The following RBBP5 variants were observed in gnomAD, a reference collection of about 807,000 sequenced individuals.
RBBP5 encodes the protein retinoblastoma-binding protein 5.
Under a neutral mutation model 72.2 loss-of-function variants are expected in RBBP5, and 5 were observed. The ratio of observed to expected loss-of-function variants is 0.07; its 90% confidence interval spans 0.04 to 0.15. The LOEUF (loss-of-function observed/expected upper bound fraction) is 0.15, where lower values mean the gene tolerates loss of function less well. RBBP5 is among the 10% of genes least tolerant of loss of function. The pLI is 1.00. For missense variants in RBBP5, 322 were observed against 652.2 expected (o/e 0.49, Z 5.51); for synonymous variants, 209 against 237.2 (o/e 0.88, Z 1.09).
At chr1:205,119,379 G>C (rs1656651442) in intron 1 of RBBP5, among the ~76,000 whole-genome samples, 1 of 152,188 alleles carries the variant, frequency 6.6e-6, no homozygotes, top group African/African-American at 2.4e-5. Context: ...CTGGGCAACA[G>C]AGCAAGACTC....
At chr1:205,104,104 T>C in intron 4 of RBBP5, 85 bp from the exon 5 acceptor site, 2 of 1,402,078 alleles carry the variant, frequency 1.4e-6, no homozygotes, top group East Asian at 4.7e-5. Flanking sequence ...TCCCTGTCCA[T>C]ACCCTCATCA....
At chr1:205,104,101 C>G in intron 4 of RBBP5, 82 bp from the exon 5 acceptor site, 1 of 1,415,236 alleles carries the variant, frequency 7.1e-7, no homozygotes. Context: ...TGATCCCTGT[C>G]CATACCCTCA....
At chr1:205,101,369 C>G (rs1655814445) in intron 6 of RBBP5, among the ~76,000 whole-genome samples, 1 of 152,148 alleles carries the variant, frequency 6.6e-6, no homozygotes, top group African/African-American at 2.4e-5. Flanking sequence ...GCACTGACCA[C>G]TTACTTATTT....
At chr1:205,116,591 C>T (rs181311004) in intron 1 of RBBP5, among the ~76,000 whole-genome samples, 3 of 152,048 alleles carry the variant, frequency 2.0e-5, no homozygotes, top group Non-Finnish European at 4.4e-5. Context: ...GGCCAAGTTG[C>T]GGCAGATCAC....
chr1:205,101,733 A>G (rs1655830213), intron 5 of RBBP5, 24 bp from the exon 6 acceptor site: 1 of 1,516,054 alleles, frequency 6.6e-7, no homozygotes. Flanking sequence ...GAGGGGGGAA[A>G]AAAGTAAGTG....
At chr1:205,090,906 A>G (rs1011647178) in intron 13 of RBBP5, among the ~76,000 whole-genome samples, 1 of 152,108 alleles carries the variant, frequency 6.6e-6, no homozygotes, top group Non-Finnish European at 1.5e-5. Context: ...ACAAAGAGAG[A>G]AAAAAAGAAA....
At chr1:205,107,349 T>C (rs1015614674) in intron 3 of RBBP5, among the ~76,000 whole-genome samples, 1 of 150,050 alleles carries the variant, frequency 6.7e-6, no homozygotes, top group African/African-American at 2.4e-5. Context: ...CTAAAGACAA[T>C]GAAAAAATCT....
At chr1:205,109,351 G>A (rs1184076941) in intron 3 of RBBP5, among the ~76,000 whole-genome samples, 1 of 151,998 alleles carries the variant, frequency 6.6e-6, no homozygotes, top group Non-Finnish European at 1.5e-5. Flanking sequence ...CCAAGAAAAA[G>A]CAATACACAT....
At position 205,093,517 on chromosome 1, in the gene RBBP5, TATATATATATATATATAC is replaced by T. The variant is rs1558570432; in HGVS notation, c.1588+1338_1588+1355del. ...ATATATATATATATATATATATATA[TATATATATATATATATAC>T]ACACACACACACACACACACACACA... On this transcript the variant is annotated intron_variant, in intron 13 of 13. Coordinates refer to ENST00000264515, the MANE Select transcript of RBBP5 (RefSeq NM_005057.4). 9.1e-4 allele frequency among the ~76,000 whole-genome samples: 15 copies of T among 16,564 alleles called. 1 individual carries two copies. Among genetic ancestry groups the T allele is most frequent in the African/African-American group, 6.0e-3 (14 of 2,340 alleles). 10.9% of individuals were successfully genotyped at this position (16,564 alleles called of 152,430 possible).
At chr1:205,103,057 C>T (rs775922886) in intron 5 of RBBP5, among the ~76,000 whole-genome samples, 19 of 150,100 alleles carry the variant, frequency 1.3e-4, no homozygotes, top group Non-Finnish European at 2.4e-4. Context: ...CCTATAATCA[C>T]GGCACTTTAG....
At chr1:205,113,255 A>G (rs1457065940) in intron 3 of RBBP5, among the ~76,000 whole-genome samples, 2 of 152,082 alleles carry the variant, frequency 1.3e-5, no homozygotes, top group East Asian at 3.9e-4. Flanking sequence ...GTATATAATA[A>G]AAACACACAT....
At chr1:205,096,237 G>C (rs1655613286) in intron 12 of RBBP5, among the ~76,000 whole-genome samples, 1 of 151,850 alleles carries the variant, frequency 6.6e-6, no homozygotes, top group South Asian at 2.1e-4. Flanking sequence ...AAAGAGAAGA[G>C]GAAGAAGGAT....
intron 5 of RBBP5, 133 bp from the exon 6 acceptor site, chr1:205,101,842 T>TA (rs1045487283): frequency 1.2e-5 from 7 of 582,490 alleles, no homozygotes; most frequent in Non-Finnish European, 3.0e-6. Context: ...TTGACCTGAT[T>TA]AACTGGTATT....
At chr1:205,097,112 T>C (rs555126347) in intron 11 of RBBP5, among the ~76,000 whole-genome samples, 1 of 152,360 alleles carries the variant, frequency 6.6e-6, no homozygotes, top group Admixed American at 6.5e-5. Context: ...AAATGAATTA[T>C]TTTGGTTCCT....
chr1:205,096,925 G>A lies in RBBP5; in HGVS notation c.1167-14C>T, dbSNP rs1655640905. On this transcript the variant is annotated splice_polypyrimidine_tract_variant and intron_variant, in intron 11 of 13. Transcript: ENST00000264515. ...AGCTCTTCATCACTATTTGGAGCAGGATCAGACAAGGGATTGGAAAAAAGA... is the reference window on the plus strand; with the variant it reads ...AGCTCTTCATCACTATTTGGAGCAGAATCAGACAAGGGATTGGAAAAAAGA... 1 of 1,565,372 alleles carries A rather than the reference G, an allele frequency of 6.4e-7. No individual in the cohort carries two copies. The highest frequency in any genetic ancestry group is 8.6e-7 in the Non-Finnish European group (1 of 1,157,716).
chr1:205,121,714 G>GC, intron 1 of RBBP5, 141 bp downstream of exon 1: 1 of 1,374,266 alleles, frequency 7.3e-7, no homozygotes, highest in Non-Finnish European at 1.0e-6. Context: ...TCCTCCTCCC[G>GC]CTGCTGCTCC....
intron 1 of RBBP5, among the ~76,000 whole-genome samples, chr1:205,116,649 A>G (rs1656535514): frequency 6.6e-6 from 1 of 152,218 alleles, no homozygotes; most frequent in African/African-American, 2.4e-5. Context: ...CCCCGTCTCT[A>G]CTAAAAATAC....
chr1:205,094,677 C>T (rs1574689140), intron 13 of RBBP5, among the ~76,000 whole-genome samples, 196 bp downstream of exon 13: 1 of 152,068 alleles, frequency 6.6e-6, no homozygotes, highest in African/African-American at 2.4e-5. Flanking sequence ...ATTTACAGAC[C>T]CAAGGTTAAG....
chr1:205,121,976 G>A lies in RBBP5; in HGVS notation c.-103C>T, dbSNP rs992601892. The A allele has an allele frequency of 6.4e-7, 1 of 1,555,582 alleles. No homozygotes were observed. Among genetic ancestry groups the A allele is most frequent in the Non-Finnish European group, 8.7e-7 (1 of 1,146,526 alleles). ...AAGTGGTGGACGCCGCGAAGAGACT[G>A]GCGCAAGCTCCGAAGACTTTCGGCC... On this transcript the variant is annotated 5_prime_UTR_variant, in exon 1 of 14. Coordinates refer to ENST00000264515, the MANE Select transcript of RBBP5 (RefSeq NM_005057.4).
Sources: allele counts gnomAD v4.1 joint callset (sites outside exome capture counted in the v4.1 genomes callset), GRCh38; gene constraint gnomAD v4.1.1; transcripts MANE v1.5; gene names NCBI Gene and HGNC (gene_info 2026-07-23, HGNC 2026-07-21).